Variants in SP4 observed in about 807,000 individuals in gnomAD.
The protein encoded by SP4 is transcription factor Sp4.
In SP4, 19 loss-of-function variants were observed where a neutral mutation model predicts 72.8. That is an observed-to-expected ratio of 0.26 (90% CI 0.18 to 0.38). The LOEUF (loss-of-function observed/expected upper bound fraction) is 0.38. Among genes scored for constraint, SP4 ranks in the 10% least tolerant of loss-of-function variants. SP4 has a pLI of 1.00. For missense variants in SP4, 1,008 were observed against 926.3 expected, an observed-to-expected ratio of 1.09 and a Z score of -1.14; for synonymous variants, 395 against 333.1, an observed-to-expected ratio of 1.19 and a Z score of -2.02.
chr7:21,490,269 C>T (rs988780138), intron 5 of SP4, among the ~76,000 whole-genome samples: 1 of 152,166 alleles, frequency 6.6e-6, no homozygotes, highest in African/African-American at 2.4e-5. Flanking sequence ...CACTGCATAG[C>T]AGGTGCAGGT....
intron 3 of SP4, chr7:21,471,100 G>T (rs758187170): frequency 1.9e-6 from 1 of 534,678 alleles, no homozygotes; most frequent in Non-Finnish European, 3.8e-6. Flanking sequence ...GAGAAGACAG[G>T]AGTTCACTGT....
intron 5 of SP4, among the ~76,000 whole-genome samples, chr7:21,506,877 G>A (rs1782012248): frequency 6.6e-6 from 1 of 152,096 alleles, no homozygotes; most frequent in Admixed American, 6.6e-5. Flanking sequence ...TATGTCCTAC[G>A]AGTGGACTCC....
intron 3 of SP4, among the ~76,000 whole-genome samples, chr7:21,461,104 C>A (rs965991885): frequency 6.6e-6 from 1 of 152,224 alleles, no homozygotes; most frequent in African/African-American, 2.4e-5. Flanking sequence ...GTCTAAGTCC[C>A]CACCAGACTC....
chr7:21,469,189 G>A (rs563390701), intron 3 of SP4, among the ~76,000 whole-genome samples: 208 of 152,104 alleles, frequency 1.4e-3, no homozygotes, highest in Non-Finnish European at 1.6e-3. Context: ...AAAATAATTT[G>A]TAATATTAAT....
chr7:21,497,285 TCTAGTGGCTGCCAGATGGTG>T (rs67860238), intron 5 of SP4, among the ~76,000 whole-genome samples: 90,713 of 151,954 alleles, frequency 0.6, 27,834 homozygotes, highest in Middle Eastern at 0.72. Flanking sequence ...TTCCACCCCC[TCTAGTGGCTGCCAGATGGTG>T]CCAAGAATTC....
chr7:21,494,362 C>A (rs573413412), intron 5 of SP4, among the ~76,000 whole-genome samples: 3 of 152,240 alleles, frequency 2.0e-5, no homozygotes, highest in African/African-American at 7.2e-5. Context: ...TTTGCAGACA[C>A]CAGGTTGTCT....
intron 5 of SP4, among the ~76,000 whole-genome samples, chr7:21,495,656 A>G (rs905164692): frequency 6.6e-6 from 1 of 152,208 alleles, no homozygotes; most frequent in Non-Finnish European, 1.5e-5. Flanking sequence ...GCTGGTGGGA[A>G]TGCAAAATGA....
intron 3 of SP4, among the ~76,000 whole-genome samples, chr7:21,439,221 T>G (rs1213762876): frequency 6.6e-6 from 1 of 152,170 alleles, no homozygotes; most frequent in Non-Finnish European, 1.5e-5. Flanking sequence ...AGAGAACAAT[T>G]GGAAAATCTA....
Position 21,482,011 on chromosome 7 carries a change from A to T in SP4, c.1995A>T (p.Arg665=). The T allele has an allele frequency of 1.2e-6, 2 of 1,613,980 alleles. No homozygotes were observed. Among genetic ancestry groups the T allele is most frequent in the Non-Finnish European group, 1.7e-6 (2 of 1,179,832 alleles). ...TTTATGGCAAAACATCTCATTTACG[A>T]GCACATCTTCGCTGGCATACTGGAG... ...GKVYGKTSHL[R]AHLRWHTGER... Residue 665 remains arginine (R), a synonymous_variant, in exon 5 of 6, where the codon CGA becomes CGT. Coordinates refer to ENST00000222584, the MANE Select transcript of SP4 (RefSeq NM_003112.5).
rs926812946 is a variant in SP4 at position 21,506,128 on chromosome 7, C to T, written c.2108-4894C>T. Among the ~76,000 whole-genome samples the T allele has an allele frequency of 2.6e-5, 4 of 152,122 alleles. No homozygotes were observed. The East Asian group carries it at 7.7e-4, about 29-fold the overall frequency. On this transcript the variant is annotated intron_variant, in intron 5 of 5. Coordinates refer to ENST00000222584, the MANE Select transcript of SP4 (RefSeq NM_003112.5). ...AAGTGACGCCTCAATTTGTTTTGCT[C>T]CTGATGTAATTAAAATTTTCTTAAA... is the stretch of plus-strand genomic sequence containing the variant.
intron 5 of SP4, among the ~76,000 whole-genome samples, chr7:21,483,899 A>G (rs1187637018): frequency 6.6e-6 from 1 of 151,804 alleles, no homozygotes; most frequent in African/African-American, 2.4e-5. Flanking sequence ...TTATTGAATT[A>G]TACTTTATAC....
intron 3 of SP4, among the ~76,000 whole-genome samples, chr7:21,448,099 A>G (rs147942231): frequency 2.2e-4 from 33 of 152,376 alleles, no homozygotes; most frequent in African/African-American, 7.2e-4. Flanking sequence ...ACAGGAATTT[A>G]AAATATAATA....
chr7:21,487,149 G>A (rs1310263896), intron 5 of SP4, among the ~76,000 whole-genome samples: 1 of 152,076 alleles, frequency 6.6e-6, no homozygotes, highest in Non-Finnish European at 1.5e-5. Flanking sequence ...TGCTCAAATT[G>A]TTTCACCTTT....
chr7:21,474,422 G>A (rs551151350), intron 3 of SP4, among the ~76,000 whole-genome samples: 2 of 152,296 alleles, frequency 1.3e-5, no homozygotes, highest in South Asian at 2.1e-4. Context: ...TGTTCAGACA[G>A]TACTCTCATT....
At chr7:21,509,388 GTCTATTCTCTCTTTTATAGTT>G in intron 5 of SP4, among the ~76,000 whole-genome samples, 1 of 151,310 alleles carries the variant, frequency 6.6e-6, no homozygotes, top group Admixed American at 6.6e-5. Context: ...AGTCAGATTT[GTCTATTCTCTCTTTTATAGTT>G]TCTAAATAAC....
At chr7:21,505,680 TA>T (rs879416201) in intron 5 of SP4, among the ~76,000 whole-genome samples, 23,067 of 152,262 alleles carry the variant, frequency 0.15, 2,373 homozygotes, top group Non-Finnish European at 0.22. Context: ...AAAGAGGGTG[TA>T]GTGTTTAGTC....
chr7:21,456,578 G>A (rs1783770968), intron 3 of SP4, among the ~76,000 whole-genome samples: 1 of 152,220 alleles, frequency 6.6e-6, no homozygotes. Context: ...CAGGTGGCAT[G>A]CAAAGTGAAA....
rs1282544795 is a variant in SP4 at position 21,514,303 on chromosome 7, CTG to C, written c.*3036_*3037del. 1.8e-4 allele frequency: 27 copies of C among 152,580 alleles called. No individual in the cohort carries two copies. Among genetic ancestry groups the C allele is most frequent in the Middle Eastern group, 3.4e-3 (1 of 294 alleles). The allele number at this position is 152,580 out of a possible 1,614,324, so 9.5% of individuals were successfully genotyped here. A position where few individuals can be genotyped will look rare whatever the true frequency, so the allele number is the denominator to read the frequency against. ...TAGGTCCTATTTTTCAATTTTATAA[CTG>C]TTTTATTGCAACAATATTTGTATTT... On this transcript the variant is annotated 3_prime_UTR_variant, in exon 6 of 6. Transcript: ENST00000222584.
Position 21,428,176 on chromosome 7 carries a change from T to TACAGC in SP4, c.-76_-75insACAGC. 1.4e-6 allele frequency: 1 copy of TACAGC among 718,778 alleles called. No individual in the cohort carries two copies. The highest frequency in any genetic ancestry group is 2.5e-6 in the Non-Finnish European group (1 of 396,142). The allele number at this position is 718,778 out of a possible 1,614,324, so 44.5% of individuals were successfully genotyped here. Reference sequence around the variant, plus strand: ...ACCGCGGGCGGGCGGGACCGGCCTCTCCTCCCGCCTCGCCCCCACCCCCAC... The same window carrying TACAGC: ...ACCGCGGGCGGGCGGGACCGGCCTCTACAGCCCTCCCGCCTCGCCCCCACCCCCAC... On this transcript the variant is annotated 5_prime_UTR_variant, in exon 1 of 6. Coordinates refer to ENST00000222584, the MANE Select transcript of SP4 (RefSeq NM_003112.5).
Sources: gnomAD v4.1 joint callset for allele counts (sites outside exome capture counted in the v4.1 genomes callset) on GRCh38, gnomAD v4.1.1 for gene constraint, MANE v1.5 for transcripts, NCBI Gene and HGNC (gene_info 2026-07-23, HGNC 2026-07-21) for gene names.